The following RFX6 variants were observed in gnomAD, a reference collection of about 807,000 sequenced individuals.
RFX6 encodes the protein DNA-binding protein RFX6.
In RFX6, 50 loss-of-function variants were observed where a neutral mutation model predicts 110.8. The ratio of observed to expected loss-of-function variants is 0.45; its 90% CI spans 0.36 to 0.57. The LOEUF (loss-of-function observed/expected upper bound fraction) is 0.57. Ranked by LOEUF, RFX6 falls within the 20% of genes least tolerant of loss-of-function variation. The probability of loss-of-function intolerance (pLI) is 0.00; values close to 1 mark genes in which losing one functional copy is unlikely to be tolerated. For missense variants in RFX6, 990 were observed against 1,127.0 expected (o/e 0.88, Z 1.74); for synonymous variants, 383 against 411.2 (o/e 0.93, Z 0.83).
chr6:116,925,656 A>G lies in RFX6; in HGVS notation c.1882A>G (p.Thr628Ala), dbSNP rs1422154664. The G allele has an allele frequency of 1.2e-6, 2 of 1,611,468 alleles. No individual in the cohort carries two copies. Among genetic ancestry groups the G allele is most frequent in the Non-Finnish European group, 8.5e-7 (1 of 1,177,694 alleles). Residue 628 changes from threonine (T) to alanine (A), a missense_variant, in exon 16 of 19, where the codon ACA becomes GCA. Thr to Ala is a moderately conservative substitution (Grantham distance 58). This residue lies in a region of RFX6 where 438 missense variants were observed against 441.9 expected (regional missense o/e 0.99). Transcript: ENST00000332958. The part of the protein sequence containing the change: ...PAGNTDNMPL[T>A]GQMELSQIAG... ...TGGGAACACAGACAACATGCCGCTC[A>G]CAGGTACGCTAAAGAGAACTGCTTA...
chr6:116,920,583 A>AT, intron 12 of RFX6, 129 bp downstream of exon 12: 5 of 792,320 alleles, frequency 6.3e-6, no homozygotes, highest in Non-Finnish European at 8.6e-6. Flanking sequence ...CTTGACCTTT[A>AT]CCCATTAGAT....
chr6:116,916,906 T>A (rs562293958), intron 9 of RFX6, among the ~76,000 whole-genome samples: 1 of 152,262 alleles, frequency 6.6e-6, no homozygotes, highest in Non-Finnish European at 1.5e-5. Flanking sequence ...CTACAAGTTC[T>A]AAGCTGATGG....
rs766862010 is a variant in RFX6, at chr6:116,924,813, G to C, written c.1678+22G>C. ...TCAGGTAACTTAAAATAACTGTTTT[G>C]TTTTGCATATTTCTTTGTTTTAATC... is the stretch of plus-strand genomic sequence containing the variant. On this transcript the variant is annotated intron_variant, in intron 15 of 18. Coordinates refer to ENST00000332958, the MANE Select transcript of RFX6 (RefSeq NM_173560.4). 8 of 1,513,722 alleles carry C rather than the reference G, an allele frequency of 5.3e-6. No individual in the cohort carries two copies. The Admixed American group carries it at 1.3e-4, about 25-fold the overall frequency. 93.8% of individuals were successfully genotyped at this position (1,513,722 alleles called of 1,614,324 possible).
At chr6:116,924,240 A>G (rs1192993700) in intron 14 of RFX6, among the ~76,000 whole-genome samples, 1 of 152,194 alleles carries the variant, frequency 6.6e-6, no homozygotes, top group Non-Finnish European at 1.5e-5. Flanking sequence ...TCTTTACTTG[A>G]CTTTTTTCAG....
Position 116,894,015 on chromosome 6 carries a change from G to A in RFX6, c.595G>A (p.Glu199Lys), listed in dbSNP as rs1042257554. ...KYHYYGIGIK[E>K]SSAYYHSVYS... ...TCATTACTATGGGATTGGCATCAAA[G>A]AGAGCAGTGCATATTACCACTCCGT... The change falls in exon 5 of 19, where the codon GAG becomes AAG. Residue 199 changes from glutamate to lysine, a missense_variant. Transcript: ENST00000332958. 1 of 1,604,026 alleles carries A rather than the reference G, an allele frequency of 6.2e-7. No homozygotes were observed. The highest frequency in any genetic ancestry group is 8.5e-7 in the Non-Finnish European group (1 of 1,171,000).
intron 4 of RFX6, among the ~76,000 whole-genome samples, chr6:116,890,251 T>G (rs1400557386): frequency 2.0e-5 from 3 of 152,148 alleles, no homozygotes; most frequent in Admixed American, 2.0e-4. Context: ...TGTTTTGGAA[T>G]GGGGATAATG....
intron 12 of RFX6, among the ~76,000 whole-genome samples, chr6:116,921,076 G>A (rs927998090): frequency 2.6e-5 from 4 of 152,126 alleles, no homozygotes; most frequent in Admixed American, 2.0e-4. Context: ...TGAATTTCAA[G>A]GGATAACAGC....
chr6:116,877,292 A>T lies in RFX6; in HGVS notation c.17A>T (p.Glu6Val). The T allele has an allele frequency of 6.2e-7, 1 of 1,611,466 alleles. No homozygotes were observed. The highest frequency in any genetic ancestry group is 8.5e-7 in the Non-Finnish European group (1 of 1,179,126). Residue 6 changes from glutamate to valine, a missense_variant, in exon 1 of 19, where the codon GAG (glutamate) becomes GTG (valine). Physicochemically the swap from Glu to Val is moderately radical, Grantham distance 121 (BLOSUM62 -2). Coordinates refer to ENST00000332958, the MANE Select transcript of RFX6 (RefSeq NM_173560.4). ...GCCAGGAGGATGGCCAAGGTCCCGG[A>T]GCTGGAAGACACCTTCCTGCAGGCG... MAKVP[E>V]LEDTFLQAQP...
intron 2 of RFX6, among the ~76,000 whole-genome samples, chr6:116,879,860 G>T (rs1774548646): frequency 6.6e-6 from 1 of 151,762 alleles, no homozygotes; most frequent in African/African-American, 2.4e-5. Flanking sequence ...ATTTTCAAAG[G>T]TTATATAGTT....
intron 6 of RFX6, among the ~76,000 whole-genome samples, chr6:116,903,152 T>G (rs1029144501): frequency 6.6e-6 from 1 of 152,088 alleles, no homozygotes; most frequent in African/African-American, 2.4e-5. Context: ...AGATGATCAC[T>G]CCTCTCTTTT....
At chr6:116,907,669 C>T (rs1775236826) in intron 6 of RFX6, among the ~76,000 whole-genome samples, 1 of 151,976 alleles carries the variant, frequency 6.6e-6, no homozygotes, top group South Asian at 2.1e-4. Flanking sequence ...GGAAGATGTC[C>T]CATGTGCTCT....
At chr6:116,898,193 G>C (rs1286159213) in intron 6 of RFX6, among the ~76,000 whole-genome samples, 2 of 152,184 alleles carry the variant, frequency 1.3e-5, no homozygotes, top group African/African-American at 2.4e-5. Flanking sequence ...GTTAAGTGGA[G>C]ATAACTAATG....
At chr6:116,921,419 A>G (rs1775591934) in intron 12 of RFX6, among the ~76,000 whole-genome samples, 1 of 152,166 alleles carries the variant, frequency 6.6e-6, no homozygotes, top group Non-Finnish European at 1.5e-5. Context: ...CTTTTAACTA[A>G]TCTGTTCCGT....
In RFX6 at chr6:116,919,174, G is replaced by T. The variant is rs1183387528; in HGVS notation, c.1060G>T (p.Glu354Ter). The T allele has an allele frequency of 6.2e-7, 1 of 1,613,580 alleles. No homozygotes were observed. The highest frequency in any genetic ancestry group is 1.1e-5 in the South Asian group (1 of 91,068). The change falls in exon 11 of 19, where the codon GAA (glutamate) becomes TAA (stop). Residue 354 changes from glutamate to a stop codon, truncating the protein, a stop_gained. Transcript: ENST00000332958. LOFTEE classifies it high-confidence loss of function. ...CATAAGAAATTTTGCTAAAAATTGGGAACAGTGGGTTGTTTCATCCTTGGA... is the reference window on the plus strand; with the variant it reads ...CATAAGAAATTTTGCTAAAAATTGGTAACAGTGGGTTGTTTCATCCTTGGA... ...ADIRNFAKNW[E>*]QWVVSSLENL... is the part of the protein sequence containing the mutation.
At chr6:116,884,441 A>C (rs1454507161) in intron 4 of RFX6, among the ~76,000 whole-genome samples, 1 of 152,190 alleles carries the variant, frequency 6.6e-6, no homozygotes, top group Non-Finnish European at 1.5e-5. Flanking sequence ...TGGCCTGGAA[A>C]GAATAAATAA....
chr6:116,915,158 T>C (rs1775436140), intron 7 of RFX6, among the ~76,000 whole-genome samples: 1 of 152,212 alleles, frequency 6.6e-6, no homozygotes, highest in Non-Finnish European at 1.5e-5. Flanking sequence ...CAGAATATTA[T>C]CTAGTTCTAG....
chr6:116,909,905 C>G (rs1775295726), intron 6 of RFX6, among the ~76,000 whole-genome samples: 2 of 151,462 alleles, frequency 1.3e-5, no homozygotes, highest in Non-Finnish European at 2.9e-5. Flanking sequence ...TGTTAAAGGA[C>G]TCAAAAGTAC....
intron 15 of RFX6, 130 bp from the exon 16 acceptor site, chr6:116,925,323 G>A (rs918981934): frequency 7.0e-6 from 6 of 860,264 alleles, no homozygotes; most frequent in Non-Finnish European, 1.2e-5. Context: ...CTTCCCATGG[G>A]AAACATTGCT....
At chr6:116,879,920 T>C (rs1242172700) in intron 2 of RFX6, among the ~76,000 whole-genome samples, 1 of 152,162 alleles carries the variant, frequency 6.6e-6, no homozygotes, top group Admixed American at 6.5e-5. Context: ...TGGAGATATC[T>C]ATAGAGAATT....
Sources: allele counts gnomAD v4.1 joint callset (sites outside exome capture counted in the v4.1 genomes callset), GRCh38; gene constraint gnomAD v4.1.1; regional missense constraint gnomAD v4.1.1; transcripts MANE v1.5; gene names NCBI Gene and HGNC (gene_info 2026-07-23, HGNC 2026-07-21).